CTTNBP2: variants seen among roughly 807,000 people sequenced by gnomAD.
CTTNBP2 encodes cortactin-binding protein 2.
CTTNBP2 carries 108 observed loss-of-function variants against 156.9 expected under a neutral mutation model. That is an observed-to-expected ratio of 0.69 (90% CI 0.59 to 0.81). The LOEUF (loss-of-function observed/expected upper bound fraction) is 0.81, where lower values mean the gene tolerates loss of function less well. CTTNBP2 is among the 30% of genes least tolerant of loss of function. The pLI, the probability that CTTNBP2 is intolerant of heterozygous loss-of-function variation, is 0.00. For missense variants in CTTNBP2, 1,924 were observed against 2,035.4 expected, an observed-to-expected ratio of 0.95 and a Z score of 1.05; for synonymous variants, 767 against 751.8, an observed-to-expected ratio of 1.02 and a Z score of -0.33.
At chr7:117,845,951 A>C (rs1214334634) in intron 2 of CTTNBP2, among the ~76,000 whole-genome samples, 2 of 152,082 alleles carry the variant, frequency 1.3e-5, no homozygotes, top group Non-Finnish European at 2.9e-5. Flanking sequence ...CCCGGGTTCA[A>C]GCCATTCTCC....
intron 7 of CTTNBP2, among the ~76,000 whole-genome samples, chr7:117,778,947 A>C (rs1460185203): frequency 1.3e-5 from 2 of 152,202 alleles, no homozygotes; most frequent in African/African-American, 2.4e-5. Flanking sequence ...TAGAAGACAG[A>C]GAAATAGGCA....
At chr7:117,827,856 C>G (rs1801379176) in intron 2 of CTTNBP2, among the ~76,000 whole-genome samples, 1 of 152,186 alleles carries the variant, frequency 6.6e-6, no homozygotes, top group Admixed American at 6.5e-5. Flanking sequence ...CCTTTTATAG[C>G]TCCAAGAAAC....
chr7:117,846,099 C>A (rs555584295), intron 2 of CTTNBP2, among the ~76,000 whole-genome samples: 14 of 152,274 alleles, frequency 9.2e-5, no homozygotes, highest in Admixed American at 7.2e-4. Context: ...GATCCGCCCG[C>A]CTCAGCCTCC....
chr7:117,807,404 A>G (rs543778537), intron 3 of CTTNBP2, among the ~76,000 whole-genome samples: 22 of 152,360 alleles, frequency 1.4e-4, no homozygotes, highest in African/African-American at 4.8e-4. Context: ...TAAAAATGGC[A>G]GAATAAAGTA....
chr7:117,725,626 C>A (rs1397007146), intron 17 of CTTNBP2, among the ~76,000 whole-genome samples: 4 of 152,180 alleles, frequency 2.6e-5, no homozygotes, highest in African/African-American at 4.8e-5. Context: ...GCTTCAACTT[C>A]TTTGTTACAT....
intron 7 of CTTNBP2, among the ~76,000 whole-genome samples, chr7:117,779,577 AAC>A (rs912539351): frequency 5.3e-5 from 8 of 152,094 alleles, no homozygotes; most frequent in African/African-American, 1.9e-4. Context: ...GAATGTGTGT[AAC>A]ACCACAGATT....
At chr7:117,784,553 A>C in intron 4 of CTTNBP2, 99 bp from the exon 5 acceptor site, 3 of 764,478 alleles carry the variant, frequency 3.9e-6, no homozygotes, top group Non-Finnish European at 6.1e-6. Context: ...ACATATGAAC[A>C]TGTGTCCCTA....
At chr7:117,838,055 A>C (rs1278233298) in intron 2 of CTTNBP2, among the ~76,000 whole-genome samples, 1 of 152,236 alleles carries the variant, frequency 6.6e-6, no homozygotes, top group Non-Finnish European at 1.5e-5. Context: ...TGGTTGGTGT[A>C]GTTTCTTATG....
Position 117,728,094 on chromosome 7 carries a change from T to C in CTTNBP2, c.4050A>G (p.Thr1350=). ...CPVVPGHAQV[T]VKWMSKLWNG... ...TAAGGAAAAATGGCACTTACTTCAC[T>C]GTCACTTGGGCATGCCCAGGAACTA... The change falls in exon 17 of 23, where the codon ACA becomes ACG. Residue 1350 remains threonine (T), a synonymous_variant. Coordinates refer to ENST00000160373, the MANE Select transcript of CTTNBP2 (RefSeq NM_033427.3). The C allele has an allele frequency of 6.2e-7, 1 of 1,612,108 alleles. No individual in the cohort carries two copies. The highest frequency in any genetic ancestry group is 8.5e-7 in the Non-Finnish European group (1 of 1,179,326).
rs150547726 is a variant in CTTNBP2 at position 117,711,772 on chromosome 7, G to A, written c.4757C>T (p.Pro1586Leu). 5.3e-3 allele frequency: 8,601 copies of A among 1,611,120 alleles called. 52 individuals are homozygous for A. Among genetic ancestry groups the A allele is most frequent in the Non-Finnish European group, 5.5e-3 (6,512 of 1,178,108 alleles). Residue 1586 changes from proline (P) to leucine (L), a missense_variant, in exon 23 of 23, where the codon CCT (proline) becomes CTT (leucine). Physicochemically the swap from Pro to Leu is moderately conservative, Grantham distance 98 (BLOSUM62 -3). Coordinates refer to ENST00000160373, the MANE Select transcript of CTTNBP2 (RefSeq NM_033427.3). ...RMPVSQKEVS[P>L]LSSHQTTECS... ...TTCAGTAGTTTGATGGCTGCTGAGA[G>A]GACTGACCTCCTGTAAGAGACAAGA... is the stretch of plus-strand genomic sequence containing the variant.
intron 5 of CTTNBP2, 84 bp from the exon 6 acceptor site, chr7:117,783,045 T>C (rs1798517243): frequency 1.0e-6 from 1 of 960,918 alleles, no homozygotes; most frequent in Admixed American, 2.0e-5. Flanking sequence ...AGATAGATTC[T>C]AATCCCAAAG....
At chr7:117,789,452 A>G (rs1465240975) in intron 4 of CTTNBP2, among the ~76,000 whole-genome samples, 1 of 152,210 alleles carries the variant, frequency 6.6e-6, no homozygotes, top group Non-Finnish European at 1.5e-5. Context: ...GTGACTGCCC[A>G]AAGATCTTAT....
In CTTNBP2 at chr7:117,792,241, T is replaced by C. The variant is rs1799071897; in HGVS notation, c.955A>G (p.Met319Val). 7 of 1,614,232 alleles carry C rather than the reference T, an allele frequency of 4.3e-6. No individual in the cohort carries two copies. The highest frequency in any genetic ancestry group is 2.7e-5 in the African/African-American group (2 of 75,060). ...GGCATGGTTAAAGGCAACTTTTTCA[T>C]GTGGTCAGCATTTTCTGTCACTAGG... ...TDLVTENADHMKKLPLTMPVK... is the reference protein window; with the variant it reads ...TDLVTENADHVKKLPLTMPVK... Residue 319 changes from methionine to valine, a missense_variant, in exon 4 of 23, where the codon ATG (methionine) becomes GTG (valine). Physicochemically the swap from Met to Val is conservative, Grantham distance 21. Transcript: ENST00000160373. This position sits in a 1 kb window ranked among gnomAD's most constrained non-coding sequence, Gnocchi z 4.2.
chr7:117,864,677 T>TGAA (rs1491334169), intron 1 of CTTNBP2, among the ~76,000 whole-genome samples: 1 of 141,732 alleles, frequency 7.1e-6, no homozygotes, highest in Non-Finnish European at 1.6e-5. Context: ...TATTCATATA[T>TGAA]TTATATATAT....
intron 22 of CTTNBP2, among the ~76,000 whole-genome samples, chr7:117,715,551 A>G (rs1047255866): frequency 6.7e-5 from 10 of 150,264 alleles, no homozygotes; most frequent in South Asian, 2.1e-4. Flanking sequence ...CTTTCAGAGG[A>G]TTAGTTTGGA....
In CTTNBP2 at chr7:117,711,757, T is replaced by C. The variant is rs757049163; in HGVS notation, c.4772A>G (p.Gln1591Arg). ...TTTACTGTTGCTGCATTCAGTAGTT[T>C]GATGGCTGCTGAGAGGACTGACCTC... ...QKEVSPLSSH[Q>R]TTECSNSKSK... Residue 1591 changes from glutamine (Q) to arginine (R), a missense_variant, in exon 23 of 23, where the codon CAA (glutamine) becomes CGA (arginine). Transcript: ENST00000160373. The C allele has an allele frequency of 4.3e-5, 69 of 1,613,452 alleles. No homozygotes were observed. Among genetic ancestry groups the C allele is most frequent in the Admixed American group, 1.2e-4 (7 of 59,954 alleles).
intron 20 of CTTNBP2, among the ~76,000 whole-genome samples, chr7:117,720,525 C>G (rs1466303786): frequency 6.6e-6 from 1 of 152,060 alleles, no homozygotes; most frequent in Non-Finnish European, 1.5e-5. Flanking sequence ...GAAACGCCGT[C>G]TCTACTAAAA....
chr7:117,817,456 A>G (rs1800689890), intron 2 of CTTNBP2, among the ~76,000 whole-genome samples: 1 of 146,234 alleles, frequency 6.8e-6, no homozygotes, highest in African/African-American at 2.5e-5. Context: ...TTGAAAGTTG[A>G]CCATTATTAC....
rs535218454 is a variant in CTTNBP2 at position 117,742,032 on chromosome 7, G to A, written c.3535+3799C>T. Among the ~76,000 whole-genome samples, 9 of 152,244 alleles carry A rather than the reference G, an allele frequency of 5.9e-5. No individual in the cohort carries two copies. In the South Asian group the frequency reaches 1.5e-3, roughly 25 times the overall value. Reference sequence around the variant, plus strand: ...AGGCAAAACCCCAAATAATACCCTCGTTGCCTTGACATACAGTTGGGTAGA... The same window carrying A: ...AGGCAAAACCCCAAATAATACCCTCATTGCCTTGACATACAGTTGGGTAGA... On this transcript the variant is annotated intron_variant, in intron 14 of 22. Transcript: ENST00000160373.
Sources: gnomAD v4.1 joint callset for allele counts (sites outside exome capture counted in the v4.1 genomes callset) on GRCh38, gnomAD v4.1.1 for gene constraint, Gnocchi (gnomAD v3.1) non-coding constraint, MANE v1.5 for transcripts, NCBI Gene and HGNC (gene_info 2026-07-23, HGNC 2026-07-21) for gene names.